The following TRIM26 variants were observed in gnomAD, a reference collection of about 807,000 sequenced individuals.
The protein encoded by TRIM26 is tripartite motif containing 26.
Under a neutral mutation model 45.5 loss-of-function variants are expected in TRIM26, and 16 were observed. That is an observed-to-expected ratio of 0.35 (90% CI 0.24 to 0.53). The LOEUF is 0.53. Ranked by LOEUF, TRIM26 falls within the 20% of genes least tolerant of loss-of-function variation. The probability of loss-of-function intolerance (pLI) is 0.92; values close to 1 mark genes in which losing one functional copy is unlikely to be tolerated. For missense variants in TRIM26, 442 were observed against 691.1 expected (o/e 0.64, Z 4.04); for synonymous variants, 273 against 290.4 (o/e 0.94, Z 0.61).
chr6:30,201,847 C>CA (rs575811302), intron 2 of TRIM26, among the ~76,000 whole-genome samples: 7,457 of 129,362 alleles, frequency 0.058, 240 homozygotes, highest in Admixed American at 0.1. Context: ...GACTCCATCT[C>CA]AAAAAAAAAA....
At chr6:30,213,007 C>T (rs1176340122) in intron 1 of TRIM26, among the ~76,000 whole-genome samples, 1 of 152,082 alleles carries the variant, frequency 6.6e-6, no homozygotes, top group Non-Finnish European at 1.5e-5. Context: ...CTCCAAGCAA[C>T]CGGACGGTCA....
intron 6 of TRIM26, among the ~76,000 whole-genome samples, chr6:30,191,535 GAA>G (rs1187923536): frequency 6.6e-6 from 1 of 152,128 alleles, no homozygotes; most frequent in Non-Finnish European, 1.5e-5. Context: ...CGCACCACGG[GAA>G]AAGAGAGCAG....
rs534058965 is a variant in TRIM26 at position 30,209,442 on chromosome 6, G to C, written c.-376+3863C>G. ...CGGTATTAAGAGGTGGGGTCTTTAA[G>C]ACGTGACTGGGTCATGAGGGTGTAA... On this transcript the variant is annotated intron_variant, in intron 1 of 9. Transcript: ENST00000454678. The surrounding 1 kb of genome is among the most constrained non-coding windows in gnomAD (Gnocchi z 4.8). Among the ~76,000 whole-genome samples the C allele has an allele frequency of 6.6e-6, 1 of 152,284 alleles. No homozygotes were observed. Among genetic ancestry groups the C allele is most frequent in the East Asian group, 1.9e-4 (1 of 5,180 alleles).
At position 30,207,191 on chromosome 6, in the gene TRIM26, G is replaced by C. The variant is rs1358472495; in HGVS notation, c.-375-2426C>G. ...ACAGATTATGCAAGACTGTGACCCA[G>C]GTTAAGAATTTTGGACTTTATCCTA... On this transcript the variant is annotated intron_variant, in intron 1 of 9. Transcript: ENST00000454678. This position sits in a 1 kb window ranked among gnomAD's most constrained non-coding sequence, Gnocchi z 4.9. Among the ~76,000 whole-genome samples the C allele has an allele frequency of 6.6e-6, 1 of 152,180 alleles. No individual in the cohort carries two copies. The highest frequency in any genetic ancestry group is 2.4e-5 in the African/African-American group (1 of 41,434).
rs567028164 is a variant in TRIM26 at position 30,207,282 on chromosome 6, A to G, written c.-375-2517T>C. Among the ~76,000 whole-genome samples, 1 of 152,306 alleles carries G rather than the reference A, an allele frequency of 6.6e-6. No homozygotes were observed. The highest frequency in any genetic ancestry group is 6.5e-5 in the Admixed American group (1 of 15,298). ...TTGAAAGTTATTCAACAGCTAGCAG[A>G]TGTTTATTAGGTGCCGACTATGTGT... On this transcript the variant is annotated intron_variant, in intron 1 of 9. Transcript: ENST00000454678. This position sits in a 1 kb window ranked among gnomAD's most constrained non-coding sequence, Gnocchi z 4.9.
Position 30,188,229 on chromosome 6 carries a change from A to AAAAAAAAG in TRIM26, c.937+937_937+938insCTTTTTTT, listed in dbSNP as rs1263461408. On this transcript the variant is annotated intron_variant, in intron 9 of 9. Transcript: ENST00000454678. The stretch of plus-strand genomic sequence containing the variant: ...CGAGACTCCGTCTCAAAAAAAAAAA[A>AAAAAAAAG]AAAAAAAAAAAAAGAAATTTGGGAC... The AAAAAAAAG allele has an allele frequency of 8.2e-5, 17 of 206,688 alleles. 1 individual carries two copies. The East Asian group carries it at 1.8e-3, about 22-fold the overall frequency. The allele number at this position is 206,688 out of a possible 1,614,324, so 12.8% of individuals were successfully genotyped here. A position where few individuals can be genotyped will look rare whatever the true frequency, so the allele number is the denominator to read the frequency against.
intron 9 of TRIM26, chr6:30,188,513 C>CCGGACAT (rs1775459345): frequency 3.8e-6 from 1 of 260,098 alleles, no homozygotes. Context: ...AATAAAGAAG[C>CCGGACAT]TACAACCACC....
intron 1 of TRIM26, among the ~76,000 whole-genome samples, chr6:30,208,239 T>C (rs1297632879): frequency 9.2e-5 from 14 of 152,168 alleles, no homozygotes; most frequent in Admixed American, 9.2e-4. Context: ...TGGTAGTAAA[T>C]TGGTAGAGAG....
chr6:30,192,075 T>A (rs2127492745), intron 6 of TRIM26, among the ~76,000 whole-genome samples: 1 of 152,306 alleles, frequency 6.6e-6, no homozygotes, highest in East Asian at 1.9e-4. Flanking sequence ...GGGCTGGCCC[T>A]GAGGAGAAGA....
Position 30,189,234 on chromosome 6 carries a change from C to T in TRIM26, c.905-35G>A. 1 of 1,613,004 alleles carries T rather than the reference C, an allele frequency of 6.2e-7. No homozygotes were observed. The highest frequency in any genetic ancestry group is 8.5e-7 in the Non-Finnish European group (1 of 1,180,022). ...AAAAAGGACAGCAATGACTCAAGTC[C>T]CGAAAATTTATGAGCCCATTTCTTG... On this transcript the variant is annotated intron_variant, in intron 8 of 9. Transcript: ENST00000454678. The surrounding 1 kb of genome is among the most constrained non-coding windows in gnomAD (Gnocchi z 5.0).
Position 30,185,652 on chromosome 6 carries a change from G to A in TRIM26, c.*224C>T. On this transcript the variant is annotated 3_prime_UTR_variant, in exon 10 of 10. Coordinates refer to ENST00000454678, the MANE Select transcript of TRIM26 (RefSeq NM_003449.5). This position sits in a 1 kb window ranked among gnomAD's most constrained non-coding sequence, Gnocchi z 5.7. ...ACTCCAGGGTCAGAAGTTCCCTCGG[G>A]AAACCAGCAGGAGGTGGGAAAAGAG... The A allele has an allele frequency of 1.7e-6, 1 of 582,464 alleles. No individual in the cohort carries two copies. The highest frequency in any genetic ancestry group is 1.9e-5 in the African/African-American group (1 of 53,428). 36.1% of individuals were successfully genotyped at this position (582,464 alleles called of 1,614,324 possible). A position where few individuals can be genotyped will look rare whatever the true frequency, so the allele number is the denominator to read the frequency against.
At position 30,189,946 on chromosome 6, in the gene TRIM26, C is replaced by A; in HGVS notation, c.788+67G>T. The A allele has an allele frequency of 1.3e-6, 2 of 1,594,832 alleles. No homozygotes were observed. The highest frequency in any genetic ancestry group is 1.7e-6 in the Non-Finnish European group (2 of 1,163,854). On this transcript the variant is annotated intron_variant, in intron 7 of 9. Coordinates refer to ENST00000454678, the MANE Select transcript of TRIM26 (RefSeq NM_003449.5). This position sits in a 1 kb window ranked among gnomAD's most constrained non-coding sequence, Gnocchi z 5.0. ...ACCACTCCCCATGAATTCAAATGCA[C>A]CTGGTCAGAAGCGGGGGAACATAAA...
rs751453833 is a variant in TRIM26, at chr6:30,199,026, A to G, written c.78T>C (p.Pro26=). The change falls in exon 4 of 10, where the codon CCT becomes CCC. Residue 26 remains proline, a synonymous_variant. Coordinates refer to ENST00000454678, the MANE Select transcript of TRIM26 (RefSeq NM_003449.5). ...AGACGTGGCCACAGTCAATGGTCACAGGGTCCCGCAGGTAATCAAGACAGA... is the reference window on the plus strand; with the variant it reads ...AGACGTGGCCACAGTCAATGGTCACGGGGTCCCGCAGGTAATCAAGACAGA... The part of the protein sequence containing the change: ...CSICLDYLRD[P]VTIDCGHVFC... The G allele has an allele frequency of 1.2e-6, 2 of 1,608,964 alleles. No homozygotes were observed. The highest frequency in any genetic ancestry group is 1.1e-5 in the South Asian group (1 of 90,800).
intron 1 of TRIM26, among the ~76,000 whole-genome samples, chr6:30,205,760 C>T (rs566778029): frequency 1.0e-3 from 153 of 152,262 alleles, no homozygotes; most frequent in African/African-American, 2.5e-3. Context: ...GAGGATCTCC[C>T]GAGCCCGGGA....
In TRIM26 at chr6:30,186,626, A is replaced by G; in HGVS notation, c.938-68T>C. The G allele has an allele frequency of 6.8e-7, 1 of 1,468,624 alleles. No homozygotes were observed. The highest frequency in any genetic ancestry group is 9.0e-7 in the Non-Finnish European group (1 of 1,113,114). The allele number at this position is 1,468,624 out of a possible 1,614,324, so 91.0% of individuals were successfully genotyped here. A position where few individuals can be genotyped will look rare whatever the true frequency, so the allele number is the denominator to read the frequency against. On this transcript the variant is annotated intron_variant, in intron 9 of 9. Transcript: ENST00000454678. This position sits in a 1 kb window ranked among gnomAD's most constrained non-coding sequence, Gnocchi z 7.4. The stretch of plus-strand genomic sequence containing the variant: ...TGTTTTGTTTTTTAAGTCAGAGGGA[A>G]TAAAATTTATTTTGGCAGATAGCGT...
chr6:30,194,947 G>A (rs1296358422), intron 6 of TRIM26, among the ~76,000 whole-genome samples: 2 of 152,084 alleles, frequency 1.3e-5, no homozygotes, highest in African/African-American at 2.4e-5. Context: ...ACATTATATA[G>A]CACTAAAATT....
At chr6:30,188,493 C>A in intron 9 of TRIM26, 1 of 272,056 alleles carries the variant, frequency 3.7e-6, no homozygotes, top group Non-Finnish European at 7.4e-6. Context: ...TCACAGACAG[C>A]TCAGACATTA....
intron 1 of TRIM26, among the ~76,000 whole-genome samples, chr6:30,208,384 GT>G (rs2127534363): frequency 6.6e-6 from 1 of 152,262 alleles, no homozygotes; most frequent in South Asian, 2.1e-4. Context: ...TGAGAAAATG[GT>G]TGTTGTGGAG....
chr6:30,195,400 A>T (rs1156723462), intron 6 of TRIM26, among the ~76,000 whole-genome samples: 1 of 152,148 alleles, frequency 6.6e-6, no homozygotes, highest in Admixed American at 6.5e-5. Context: ...AATAAGAACA[A>T]GAGCTCAGAG....
Sources: allele counts gnomAD v4.1 joint callset (sites outside exome capture counted in the v4.1 genomes callset), GRCh38; gene constraint gnomAD v4.1.1; non-coding constraint Gnocchi (gnomAD v3.1); transcripts MANE v1.5; gene names NCBI Gene and HGNC (gene_info 2026-07-23, HGNC 2026-07-21).